The following CAPRIN2 variants were observed in gnomAD, a reference collection of about 807,000 sequenced individuals.
The protein encoded by CAPRIN2 is caprin family member 2.
CAPRIN2 carries 66 observed loss-of-function variants against 130.4 expected under a neutral mutation model. The observed-to-expected ratio is 0.51, with a 90% confidence interval of 0.42 to 0.62. The LOEUF is 0.62. Among genes scored for constraint, CAPRIN2 ranks in the 20% least tolerant of loss-of-function variants. The pLI is 0.00. For missense variants in CAPRIN2, 1,185 were observed against 1,246.6 expected (o/e 0.95, Z 0.74); for synonymous variants, 471 against 444.1 (o/e 1.06, Z -0.76).
At chr12:30,723,380 G>A (rs2059975204) in intron 10 of CAPRIN2, 66 bp from the exon 12 acceptor site, 1 of 1,106,064 alleles carries the variant, frequency 9.0e-7, no homozygotes, top group Non-Finnish European at 1.4e-6. Flanking sequence ...TCAACTAGGA[G>A]GAAACTAAAG....
intron 3 of CAPRIN2, among the ~76,000 whole-genome samples, chr12:30,738,270 G>A (rs958601029): frequency 6.6e-6 from 1 of 151,688 alleles, no homozygotes; most frequent in African/African-American, 2.4e-5. Flanking sequence ...ACAAAATTTG[G>A]TGAGTTGGGA....
intron 5 of CAPRIN2, among the ~76,000 whole-genome samples, chr12:30,732,912 C>A (rs1402368168): frequency 1.3e-5 from 2 of 152,018 alleles, no homozygotes; most frequent in African/African-American, 2.4e-5. Context: ...TAAAATACTG[C>A]CAAACTATTT....
chr12:30,734,849 AACACAC>A (rs10557103), intron 4 of CAPRIN2, 113 bp downstream of exon 5: 10,483 of 625,118 alleles, frequency 0.017, 386 homozygotes, highest in African/African-American at 0.14. Context: ...CCCCCTCTCT[AACACAC>A]ACACACACAC....
Position 30,740,895 on chromosome 12 carries a change from T to C in CAPRIN2, c.570+125A>G, listed in dbSNP as rs371162912. The C allele has an allele frequency of 1.7e-4, 106 of 628,102 alleles. 1 individual carries two copies. Among genetic ancestry groups the C allele is most frequent in the East Asian group, 1.4e-3 (50 of 36,504 alleles). The allele number at this position is 628,102 out of a possible 1,614,324, so 38.9% of individuals were successfully genotyped here. On this transcript the variant is annotated intron_variant, in intron 3 of 16. Transcript: ENST00000298892. ...AGTTATCCTCAACCTTCCATCACGA[T>C]AAAATATCAGCAGAAATTAGAAGAA... is the stretch of plus-strand genomic sequence containing the variant.
At position 30,716,686 on chromosome 12, in the gene CAPRIN2, C is replaced by T; in HGVS notation, c.2149-10G>A. 1 of 1,611,020 alleles carries T rather than the reference C, an allele frequency of 6.2e-7. No individual in the cohort carries two copies. The highest frequency in any genetic ancestry group is 8.5e-7 in the Non-Finnish European group (1 of 1,178,382). ...CATTAACGTTAAATACCTTAAAAGACAAGGACACACTGAGTCATTTGGGAA... is the reference window on the plus strand; with the variant it reads ...CATTAACGTTAAATACCTTAAAAGATAAGGACACACTGAGTCATTTGGGAA... On this transcript the variant is annotated splice_polypyrimidine_tract_variant and intron_variant, in intron 12 of 16. Transcript: ENST00000298892.
chr12:30,713,909 A>ATT, intron 14 of CAPRIN2, 24 bp from the exon 17 acceptor site: 1 of 1,309,150 alleles, frequency 7.6e-7, no homozygotes, highest in East Asian at 2.3e-5. Context: ...AAACTTACAT[A>ATT]AGATTATGGA....
intron 3 of CAPRIN2, among the ~76,000 whole-genome samples, chr12:30,740,495 G>C (rs2066961724): frequency 6.6e-6 from 1 of 152,068 alleles, no homozygotes; most frequent in Admixed American, 6.5e-5. Flanking sequence ...AAATTTGTCA[G>C]AGATAAAATT....
At chr12:30,716,709 G>A in intron 12 of CAPRIN2, 33 bp from the exon 15 acceptor site, 1 of 1,595,360 alleles carries the variant, frequency 6.3e-7, no homozygotes. Flanking sequence ...AGTCATTTGG[G>A]AAGTTTCAAA....
rs556425928 is a variant in CAPRIN2 at position 30,748,090 on chromosome 12, T to C, written c.483+2981A>G. 5.3e-5 allele frequency among the ~76,000 whole-genome samples: 8 copies of C among 152,310 alleles called. No individual in the cohort carries two copies. In the East Asian group the frequency reaches 1.3e-3, roughly 26 times the overall value. Reference sequence around the variant, plus strand: ...AGATAGACTCTACTGGTAAAGATATTATGAACATTGTTGAAATGACAACAA... The same window carrying C: ...AGATAGACTCTACTGGTAAAGATATCATGAACATTGTTGAAATGACAACAA... On this transcript the variant is annotated intron_variant, in intron 2 of 16. Transcript: ENST00000298892.
chr12:30,744,844 TTG>T (rs1230288176), intron 2 of CAPRIN2, among the ~76,000 whole-genome samples: 2 of 152,206 alleles, frequency 1.3e-5, no homozygotes, highest in Admixed American at 1.3e-4. Flanking sequence ...TTAATATATC[TTG>T]TTGAATGAAT....
At chr12:30,726,565 T>G (rs2060992419) in intron 8 of CAPRIN2, among the ~76,000 whole-genome samples, 1 of 152,182 alleles carries the variant, frequency 6.6e-6, no homozygotes, top group Non-Finnish European at 1.5e-5. Flanking sequence ...GAGGGATACA[T>G]ATATTTTGTT....
At chr12:30,723,380 G>T (rs2059975204) in intron 10 of CAPRIN2, 66 bp from the exon 12 acceptor site, 2 of 1,106,064 alleles carry the variant, frequency 1.8e-6, no homozygotes, top group Admixed American at 1.9e-5. Context: ...TCAACTAGGA[G>T]GAAACTAAAG....
intron 2 of CAPRIN2, among the ~76,000 whole-genome samples, chr12:30,741,610 CT>C (rs1262248942): frequency 1.3e-5 from 2 of 151,850 alleles, no homozygotes; most frequent in East Asian, 1.9e-4. Context: ...AGGAGCAAAA[CT>C]TTTTTTTAAA....
intron 8 of CAPRIN2, among the ~76,000 whole-genome samples, chr12:30,727,280 A>G (rs892087003): frequency 2.6e-5 from 4 of 152,304 alleles, no homozygotes; most frequent in African/African-American, 9.6e-5. Context: ...TAGGGTCAGG[A>G]AGAAGCTAAA....
At chr12:30,728,789 G>A in exon 8 of CAPRIN2, 5 of 1,614,038 alleles carry the variant, frequency 3.1e-6, no homozygotes, top group Non-Finnish European at 4.2e-6. Flanking sequence ...TGTTTTCCCA[G>A]GATTTTGGAG....
Position 30,710,321 on chromosome 12 carries a change from C to G in CAPRIN2, c.2815G>C (p.Val939Leu). The G allele has an allele frequency of 1.2e-6, 2 of 1,614,140 alleles. No individual in the cohort carries two copies. The highest frequency in any genetic ancestry group is 2.2e-5 in the South Asian group (2 of 91,086). Residue 939 changes from valine (V) to leucine (L), a missense_variant, in exon 17 of 17, where the codon GTC (valine) becomes CTC (leucine). Val to Leu is a conservative substitution (Grantham distance 32). Coordinates refer to ENST00000298892, the Ensembl canonical transcript of CAPRIN2. This position sits in a 1 kb window ranked among gnomAD's most constrained non-coding sequence, Gnocchi z 4.8. ...CGCATCTGCTGAGGCAGAGGGTAGACGTGTACTGGCAGTATGGTGGCTGCT... is the reference window on the plus strand; with the variant it reads ...CGCATCTGCTGAGGCAGAGGGTAGAGGTGTACTGGCAGTATGGTGGCTGCT...
At position 30,751,247 on chromosome 12, in the gene CAPRIN2, T is replaced by A. The variant is rs1592344855; in HGVS notation, c.421-114A>T. 6.3e-6 allele frequency: 5 copies of A among 795,694 alleles called. No individual in the cohort carries two copies. The East Asian group carries it at 1.3e-4, about 20-fold the overall frequency. 49.3% of individuals were successfully genotyped at this position (795,694 alleles called of 1,614,324 possible). A position where few individuals can be genotyped will look rare whatever the true frequency, so the allele number is the denominator to read the frequency against. On this transcript the variant is annotated intron_variant, in intron 1 of 16. Transcript: ENST00000298892. Reference sequence around the variant, plus strand: ...AAGTCCTTGAAGTAAGCTATCAATCTGCAAGACTATCATTTTACTATACGG... The same window carrying A: ...AAGTCCTTGAAGTAAGCTATCAATCAGCAAGACTATCATTTTACTATACGG...
exon 16 of CAPRIN2, chr12:30,711,606 C>T (rs200212827): frequency 3.7e-5 from 60 of 1,613,650 alleles, no homozygotes; most frequent in Middle Eastern, 1.6e-4. Flanking sequence ...TCCCTCCTCG[C>T]TTATAACACT....
chr12:30,744,416 C>G (rs2068922662), intron 2 of CAPRIN2, among the ~76,000 whole-genome samples: 1 of 152,112 alleles, frequency 6.6e-6, no homozygotes, highest in Admixed American at 6.6e-5. Flanking sequence ...AGACCTACCC[C>G]CTCCAGCTTC....
Sources: gnomAD v4.1 joint callset for allele counts (sites outside exome capture counted in the v4.1 genomes callset) on GRCh38, gnomAD v4.1.1 for gene constraint, Gnocchi (gnomAD v3.1) non-coding constraint, MANE v1.5 for transcripts, NCBI Gene and HGNC (gene_info 2026-07-23, HGNC 2026-07-21) for gene names.